SDK1: variants seen among roughly 807,000 people sequenced by gnomAD.
SDK1 encodes sidekick cell adhesion molecule 1.
SDK1 carries 157 observed loss-of-function variants against 245.5 expected under a neutral mutation model. The observed-to-expected ratio is 0.64, with a 90% CI of 0.56 to 0.73. SDK1 has a LOEUF of 0.73. SDK1 is among the 30% of genes least tolerant of loss of function. The pLI, the probability that SDK1 is intolerant of heterozygous loss-of-function variation, is 0.00. For missense variants in SDK1, 3,583 were observed against 3,002.3 expected (o/e 1.19, Z -4.52); for synonymous variants, 1,647 against 1,278.5 (o/e 1.29, Z -6.15).
intron 1 of SDK1, among the ~76,000 whole-genome samples, chr7:3,320,015 G>A (rs1206643914): frequency 1.3e-5 from 2 of 151,794 alleles, no homozygotes; most frequent in Non-Finnish European, 2.9e-5. Context: ...CCTGGATGTG[G>A]TGGAGGGATA....
chr7:4,015,305 G>A (rs1045663982), intron 16 of SDK1, among the ~76,000 whole-genome samples: 5 of 152,164 alleles, frequency 3.3e-5, no homozygotes, highest in South Asian at 2.1e-4. Flanking sequence ...ATTGTGTAGC[G>A]TTGGGTCCAC....
chr7:3,981,933 C>G (rs922404029), intron 13 of SDK1, among the ~76,000 whole-genome samples: 11 of 152,228 alleles, frequency 7.2e-5, no homozygotes, highest in African/African-American at 2.7e-4. Flanking sequence ...GCTACAGTAA[C>G]AAGAAATTTG....
intron 4 of SDK1, among the ~76,000 whole-genome samples, chr7:3,805,900 C>T (rs777499958): frequency 3.3e-5 from 5 of 152,146 alleles, no homozygotes; most frequent in Non-Finnish European, 7.4e-5. Context: ...CAAGTCACCT[C>T]CTTGTAGCTG....
chr7:3,516,905 T>A (rs1413055358), intron 1 of SDK1, among the ~76,000 whole-genome samples: 1 of 152,198 alleles, frequency 6.6e-6, no homozygotes, highest in South Asian at 2.1e-4. Context: ...TTCAAGGGTA[T>A]TAAGTGCCAT....
intron 5 of SDK1, among the ~76,000 whole-genome samples, chr7:3,890,480 C>T (rs749306148): frequency 3.9e-5 from 6 of 152,276 alleles, no homozygotes; most frequent in Admixed American, 1.3e-4. Context: ...CTTTATTCAA[C>T]ATGGCTGTCA....
At chr7:4,070,701 A>T (rs1008889294) in intron 20 of SDK1, among the ~76,000 whole-genome samples, 1 of 147,000 alleles carries the variant, frequency 6.8e-6, no homozygotes, top group South Asian at 2.1e-4. Flanking sequence ...AGCCAGTGCC[A>T]CCTCTCAAAT....
chr7:4,173,949 G>A (rs552727312), intron 32 of SDK1, among the ~76,000 whole-genome samples: 74 of 152,320 alleles, frequency 4.9e-4, no homozygotes, highest in African/African-American at 1.8e-3. Context: ...CAGCCTGGGG[G>A]CTCATTTGAG....
At chr7:3,425,399 CT>C (rs1779647845) in intron 1 of SDK1, among the ~76,000 whole-genome samples, 1 of 152,120 alleles carries the variant, frequency 6.6e-6, no homozygotes, top group Non-Finnish European at 1.5e-5. Flanking sequence ...CTGAGTAACT[CT>C]TTGGTAACCC....
At chr7:3,530,338 A>T (rs2128617745) in intron 1 of SDK1, among the ~76,000 whole-genome samples, 1 of 152,242 alleles carries the variant, frequency 6.6e-6, no homozygotes. Context: ...CCCCCGCATA[A>T]ACATTTTCAA....
At chr7:3,721,120 G>C (rs1785353043) in intron 4 of SDK1, among the ~76,000 whole-genome samples, 1 of 152,212 alleles carries the variant, frequency 6.6e-6, no homozygotes, top group Non-Finnish European at 1.5e-5. Flanking sequence ...GAGAGCAAGG[G>C]CATGGGTGGG....
At chr7:3,680,284 G>T (rs1344244184) in intron 4 of SDK1, among the ~76,000 whole-genome samples, 1 of 152,202 alleles carries the variant, frequency 6.6e-6, no homozygotes, top group East Asian at 1.9e-4. Flanking sequence ...GTCGCAGGGA[G>T]TTAGAGACGT....
In SDK1 at chr7:3,650,452, G is replaced by A. The variant is rs76056702; in HGVS notation, c.713+8347G>A. ...TATCTTGTGTGAATGGAATCATATGGCATTTATCCTTTTCCACCTATTTTT... is the reference window on the plus strand; with the variant it reads ...TATCTTGTGTGAATGGAATCATATGACATTTATCCTTTTCCACCTATTTTT... On this transcript the variant is annotated intron_variant, in intron 4 of 44. Coordinates refer to ENST00000404826, the MANE Select transcript of SDK1 (RefSeq NM_152744.4). 2.4e-3 allele frequency among the ~76,000 whole-genome samples: 359 copies of A among 152,214 alleles called. 1 individual carries two copies. In the Middle Eastern group the frequency reaches 0.027, roughly 12 times the overall value.
At chr7:4,030,646 T>G (rs1011243890) in intron 17 of SDK1, among the ~76,000 whole-genome samples, 1 of 152,236 alleles carries the variant, frequency 6.6e-6, no homozygotes, top group African/African-American at 2.4e-5. Context: ...ACAAGAAGCG[T>G]TCGGCACCAA....
chr7:3,993,056 A>G (rs1410012998), intron 14 of SDK1, among the ~76,000 whole-genome samples: 1 of 152,246 alleles, frequency 6.6e-6, no homozygotes, highest in Non-Finnish European at 1.5e-5. Flanking sequence ...AATGACAACT[A>G]AAATCTTTGA....
intron 28 of SDK1, among the ~76,000 whole-genome samples, chr7:4,142,092 C>G (rs1423796607): frequency 6.6e-6 from 1 of 152,070 alleles, no homozygotes; most frequent in African/African-American, 2.4e-5. Context: ...AAGAAGAAAT[C>G]TTTTTAGCCA....
rs145693139 is a variant in SDK1, at chr7:3,957,038, G to A, written c.1151-1893G>A. Among the ~76,000 whole-genome samples, 464 of 152,288 alleles carry A rather than the reference G, an allele frequency of 3.0e-3. 1 individual carries two copies. The highest frequency in any genetic ancestry group is 0.02 in the Middle Eastern group (6 of 294). On this transcript the variant is annotated intron_variant, in intron 7 of 44. Coordinates refer to ENST00000404826, the MANE Select transcript of SDK1 (RefSeq NM_152744.4). Reference sequence around the variant, plus strand: ...TATCATCAAAGCACAGGTCATCTTGGGTGAATCTCAAGGGAACCATGAAGA... The same window carrying A: ...TATCATCAAAGCACAGGTCATCTTGAGTGAATCTCAAGGGAACCATGAAGA...
intron 4 of SDK1, among the ~76,000 whole-genome samples, chr7:3,647,184 G>C (rs941483001): frequency 3.9e-5 from 6 of 152,370 alleles, no homozygotes; most frequent in Middle Eastern, 3.4e-3. Flanking sequence ...CCAGTAGCTT[G>C]AAGCTGCAGT....
chr7:3,718,158 A>G (rs1447272110), intron 4 of SDK1, among the ~76,000 whole-genome samples: 2 of 152,090 alleles, frequency 1.3e-5, no homozygotes, highest in Non-Finnish European at 2.9e-5. Context: ...CAGTCCAGAG[A>G]AGAAACTTTA....
At chr7:3,671,480 T>C (rs570070288) in intron 4 of SDK1, among the ~76,000 whole-genome samples, 30 of 152,358 alleles carry the variant, frequency 2.0e-4, no homozygotes, top group African/African-American at 6.7e-4. Context: ...CTTTTTGTTA[T>C]TATGATTCCT....
Sources: allele counts gnomAD v4.1 joint callset (sites outside exome capture counted in the v4.1 genomes callset), GRCh38; gene constraint gnomAD v4.1.1; transcripts MANE v1.5; gene names NCBI Gene and HGNC (gene_info 2026-07-23, HGNC 2026-07-21).